ANKRD36C: variants seen among roughly 807,000 people sequenced by gnomAD.
The protein encoded by ANKRD36C is ankyrin repeat domain 36C, also known as ankyrin repeat domain-containing protein 36C.
Under a neutral mutation model 276.4 loss-of-function variants are expected in ANKRD36C, and 61 were observed. That is an observed-to-expected ratio of 0.22 (90% CI 0.18 to 0.27). The LOEUF is 0.27. Ranked by LOEUF, ANKRD36C falls within the 10% of genes least tolerant of loss-of-function variation. The pLI is 1.00. For synonymous variants in ANKRD36C, 483 were observed against 680.1 expected (o/e 0.71, Z 4.51); for missense variants, 1,447 against 2,032.3 (o/e 0.71, Z 5.54).
chr2:95,893,490 C>T (rs1473212922), intron 44 of ANKRD36C, 43 bp downstream of exon 64: 1 of 1,533,892 alleles, frequency 6.5e-7, no homozygotes, highest in Non-Finnish European at 8.8e-7. Flanking sequence ...AACTTCTTAT[C>T]TATCTGGACT....
intron 6 of ANKRD36C, among the ~76,000 whole-genome samples, chr2:95,967,797 A>C (rs532172526): frequency 4.9e-4 from 74 of 152,196 alleles, no homozygotes; most frequent in African/African-American, 1.7e-3. Flanking sequence ...ATTAAAAAAA[A>C]ATCATGCAGG....
Position 95,902,969 on chromosome 2 carries a change from T to A in ANKRD36C, c.2654-3633A>T. ...CTCGTCTCTTGTAGCCTGAATGGAA[T>A]TTGAAATGCAATAATAAATTAATAA... On this transcript the variant is annotated intron_variant, in intron 42 of 66. Transcript: ENST00000456556. 1 of 1,585,602 alleles carries A rather than the reference T, an allele frequency of 6.3e-7. No homozygotes were observed. The highest frequency in any genetic ancestry group is 8.6e-7 in the Non-Finnish European group (1 of 1,163,880).
rs868738742 is a variant in ANKRD36C at position 95,901,842 on chromosome 2, C to T, written c.2654-2506G>A. On this transcript the variant is annotated intron_variant, in intron 42 of 66. Coordinates refer to ENST00000456556, the Ensembl canonical transcript of ANKRD36C. ...TCATGTATCCACTAGTTTAGGCTTC[C>T]GAAAGTTTCTTCATCCACTCTTGGC... 4.6e-4 allele frequency among the ~76,000 whole-genome samples: 65 copies of T among 140,674 alleles called. 1 individual carries two copies. Among genetic ancestry groups the T allele is most frequent in the African/African-American group, 1.6e-3 (61 of 37,394 alleles). 92.3% of individuals were successfully genotyped at this position (140,674 alleles called of 152,430 possible).
intron 44 of ANKRD36C, 92 bp downstream of exon 60, chr2:95,897,178 A>C (rs1173794237): frequency 9.2e-7 from 1 of 1,091,470 alleles, no homozygotes; most frequent in African/African-American, 1.6e-5. Flanking sequence ...CAGAATGTGC[A>C]GCTTCAACGA....
intron 34 of ANKRD36C, among the ~76,000 whole-genome samples, chr2:95,920,405 G>A (rs1284927917): frequency 7.6e-6 from 1 of 132,216 alleles, no homozygotes; most frequent in African/African-American, 2.6e-5. Flanking sequence ...TCAGTTGAAT[G>A]TACACTTCAC....
At chr2:95,977,289 C>G (rs1292153373) in intron 6 of ANKRD36C, among the ~76,000 whole-genome samples, 2 of 152,086 alleles carry the variant, frequency 1.3e-5, no homozygotes, top group Non-Finnish European at 2.9e-5. Flanking sequence ...AACTGTACCT[C>G]TTTTCTGCTT....
intron 48 of ANKRD36C, among the ~76,000 whole-genome samples, chr2:95,888,559 A>G (rs1282934184): frequency 6.6e-6 from 1 of 151,728 alleles, no homozygotes; most frequent in Non-Finnish European, 1.5e-5. Flanking sequence ...AACTTGCCCA[A>G]TAACTGAGAA....
In ANKRD36C at chr2:95,916,267, C is replaced by T. The variant is rs1677093408; in HGVS notation, c.2348-96G>A. 7 of 1,565,758 alleles carry T rather than the reference C, an allele frequency of 4.5e-6. No individual in the cohort carries two copies. The Admixed American group carries it at 9.0e-5, about 20-fold the overall frequency. On this transcript the variant is annotated intron_variant, in intron 36 of 66. Transcript: ENST00000456556. ...GTTAGCATCAACCTCTGAACTCCTGCCTGTATTAGTGGAGGCTTTGATGGC... is the reference window on the plus strand; with the variant it reads ...GTTAGCATCAACCTCTGAACTCCTGTCTGTATTAGTGGAGGCTTTGATGGC...
intron 1 of ANKRD36C, among the ~76,000 whole-genome samples, chr2:95,991,145 C>T (rs1009781359): frequency 2.2e-5 from 3 of 138,494 alleles, no homozygotes; most frequent in Admixed American, 2.2e-4. Context: ...TTTCCGCCAC[C>T]CCATTCACCC....
At chr2:95,861,548 T>A (rs1329679194) in intron 60 of ANKRD36C, among the ~76,000 whole-genome samples, 3 of 151,554 alleles carry the variant, frequency 2.0e-5, no homozygotes. Flanking sequence ...TGAACTGTGA[T>A]AAGTTAAAAT....
Position 95,855,680 on chromosome 2 carries a change from G to A in ANKRD36C, c.4581C>T (p.Leu1527=), listed in dbSNP as rs755667601. 3.4e-4 allele frequency: 550 copies of A among 1,611,670 alleles called. 1 individual carries two copies. The highest frequency in any genetic ancestry group is 4.5e-4 in the Non-Finnish European group (535 of 1,179,748). The change falls in exon 63 of 67, where the codon CTC becomes CTT. Residue 1527 remains leucine (L), a synonymous_variant. Coordinates refer to ENST00000456556, the Ensembl canonical transcript of ANKRD36C. Reference sequence around the variant, plus strand: ...CTCCTGTGTAATGGAGCTCAGTTTCGAGGACTCTGAACTTACTCTCAGCTT... The same window carrying A: ...CTCCTGTGTAATGGAGCTCAGTTTCAAGGACTCTGAACTTACTCTCAGCTT...
intron 6 of ANKRD36C, among the ~76,000 whole-genome samples, chr2:95,970,405 CT>C (rs1467101024): frequency 6.6e-6 from 1 of 152,142 alleles, no homozygotes; most frequent in Non-Finnish European, 1.5e-5. Flanking sequence ...CAATCTGAGT[CT>C]TGTTTCCTTG....
chr2:95,910,814 A>C (rs549474655), intron 42 of ANKRD36C, among the ~76,000 whole-genome samples: 26 of 151,574 alleles, frequency 1.7e-4, no homozygotes, highest in Non-Finnish European at 1.0e-4. Flanking sequence ...TAAAACTAAA[A>C]TAAAACCGTG....
intron 42 of ANKRD36C, among the ~76,000 whole-genome samples, chr2:95,910,027 C>T (rs192428356): frequency 2.0e-5 from 3 of 151,266 alleles, no homozygotes; most frequent in Admixed American, 1.3e-4. Flanking sequence ...TACGATGTGA[C>T]GTCTGTAAAA....
At chr2:95,982,195 G>T (rs201208560) in intron 4 of ANKRD36C, 61 bp downstream of exon 4, 8 of 1,296,634 alleles carry the variant, frequency 6.2e-6, no homozygotes, top group Admixed American at 5.5e-5. Flanking sequence ...TTCAGTGACC[G>T]CTACCACTCT....
chr2:95,849,364 C>G (rs1675239513), downstream of ANKRD36C, among the ~76,000 whole-genome samples: 1 of 152,180 alleles, frequency 6.6e-6, no homozygotes, highest in Non-Finnish European at 1.5e-5. Flanking sequence ...CCAGACAGCA[C>G]ATATTCTTGT....
At chr2:95,896,530 A>T (rs1280479378) in intron 44 of ANKRD36C, among the ~76,000 whole-genome samples, 1 of 149,538 alleles carries the variant, frequency 6.7e-6, no homozygotes, top group African/African-American at 2.5e-5. Flanking sequence ...CAAGGAAGCA[A>T]ATTTATTCAT....
exon 63 of ANKRD36C, chr2:95,856,091 T>C (rs1023007073): frequency 8.1e-6 from 13 of 1,604,626 alleles, no homozygotes; most frequent in Admixed American, 1.7e-5. Context: ...GGTTTTTTAT[T>C]GTGTCTTTTT....
intron 1 of ANKRD36C, among the ~76,000 whole-genome samples, chr2:95,988,652 GA>G (rs1573822568): frequency 1.3e-5 from 2 of 152,116 alleles, no homozygotes; most frequent in East Asian, 1.9e-4. Flanking sequence ...AGTGCTTTTG[GA>G]ATAGTGATAA....
Sources: allele counts gnomAD v4.1 joint callset (sites outside exome capture counted in the v4.1 genomes callset), GRCh38; gene constraint gnomAD v4.1.1; transcripts MANE v1.5; gene names NCBI Gene and HGNC (gene_info 2026-07-23, HGNC 2026-07-21).